PPM1E: variants seen among roughly 807,000 people sequenced by gnomAD.
PPM1E encodes the protein protein phosphatase, Mg2+/Mn2+ dependent 1E, also known as protein phosphatase 1E.
A neutral mutation model predicts 65.9 loss-of-function variants in PPM1E; 20 were observed. The observed-to-expected ratio is 0.30, with a 90% CI of 0.21 to 0.44. PPM1E has a LOEUF of 0.44. PPM1E is among the 20% of genes least tolerant of loss of function. PPM1E has a pLI of 1.00. For synonymous variants in PPM1E, 352 were observed against 374.9 expected (o/e 0.94, Z 0.70); for missense variants, 713 against 953.1 (o/e 0.75, Z 3.32).
chr17:58,918,812 AAAAAAAAAAAAAAAAAAAG>A (rs1475607278), intron 1 of PPM1E, among the ~76,000 whole-genome samples: 1 of 151,016 alleles, frequency 6.6e-6, no homozygotes, highest in East Asian at 1.9e-4. Flanking sequence ...TCTCAAAAAA[AAAAAAAAAAAAAAAAAAAG>A]CTTCTAAAAA....
At position 58,981,989 on chromosome 17, in the gene PPM1E, T is replaced by C. The variant is rs538737137; in HGVS notation, c.*958T>C. Reference sequence around the variant, plus strand: ...AGCAAAGGCATGTACTACTATAAAATACAAAGTGATTTTAGAGAATGAAAA... The same window carrying C: ...AGCAAAGGCATGTACTACTATAAAACACAAAGTGATTTTAGAGAATGAAAA... On this transcript the variant is annotated 3_prime_UTR_variant, in exon 7 of 7. Coordinates refer to ENST00000308249, the MANE Select transcript of PPM1E (RefSeq NM_014906.5). The C allele has an allele frequency of 2.0e-5, 3 of 152,784 alleles. No individual in the cohort carries two copies. Among genetic ancestry groups the C allele is most frequent in the South Asian group, 2.1e-4 (1 of 4,824 alleles). 9.5% of individuals were successfully genotyped at this position (152,784 alleles called of 1,614,324 possible).
intron 1 of PPM1E, among the ~76,000 whole-genome samples, chr17:58,840,825 G>A (rs1567850317): frequency 6.6e-6 from 1 of 152,180 alleles, no homozygotes. Flanking sequence ...GTCATCAGTG[G>A]TAAAATAATT....
At chr17:58,807,304 T>C (rs1312709276) in intron 1 of PPM1E, among the ~76,000 whole-genome samples, 1 of 152,230 alleles carries the variant, frequency 6.6e-6, no homozygotes, top group East Asian at 1.9e-4. Context: ...GAACTATATC[T>C]TGTATATTAC....
intron 1 of PPM1E, among the ~76,000 whole-genome samples, chr17:58,915,527 G>T (rs1425282878): frequency 2.0e-5 from 3 of 152,080 alleles, no homozygotes; most frequent in Non-Finnish European, 4.4e-5. Context: ...CAGCCCAGTA[G>T]GTCTCAGCTT....
intron 1 of PPM1E, among the ~76,000 whole-genome samples, chr17:58,953,265 G>T (rs542755441): frequency 6.6e-5 from 10 of 152,240 alleles, no homozygotes; most frequent in East Asian, 5.8e-4. Flanking sequence ...ATGAAAAGAG[G>T]TTTATTTGGC....
chr17:58,945,734 A>G (rs776951948), intron 1 of PPM1E, among the ~76,000 whole-genome samples: 1 of 152,180 alleles, frequency 6.6e-6, no homozygotes, highest in African/African-American at 2.4e-5. Flanking sequence ...AAATTCAGGG[A>G]AACATTCACT....
Position 58,811,914 on chromosome 17 carries a change from C to T in PPM1E, c.464+55453C>T, listed in dbSNP as rs769051084. Among the ~76,000 whole-genome samples the T allele has an allele frequency of 1.2e-4, 18 of 152,236 alleles. No homozygotes were observed. The South Asian group carries it at 1.9e-3, about 16-fold the overall frequency. ...TCGATCTCTTGACCTCGTGATCCAT[C>T]CACCTTGGCCTCCCAAAGTGCTGGG... On this transcript the variant is annotated intron_variant, in intron 1 of 6. Transcript: ENST00000308249.
intron 3 of PPM1E, among the ~76,000 whole-genome samples, chr17:58,968,575 A>T (rs1367344047): frequency 6.6e-6 from 1 of 152,116 alleles, no homozygotes; most frequent in African/African-American, 2.4e-5. Context: ...ACAGGCCTGG[A>T]CTCCTCTAAG....
intron 1 of PPM1E, among the ~76,000 whole-genome samples, chr17:58,901,907 C>A (rs962989594): frequency 6.6e-6 from 1 of 151,906 alleles, no homozygotes; most frequent in Non-Finnish European, 1.5e-5. Context: ...ACCCATGATG[C>A]GGAGGTTGCA....
intron 1 of PPM1E, among the ~76,000 whole-genome samples, chr17:58,802,180 T>C (rs1219573319): frequency 1.3e-5 from 2 of 152,218 alleles, no homozygotes; most frequent in African/African-American, 4.8e-5. Context: ...TATGTTTAAG[T>C]TTTTCATCCA....
At chr17:58,771,693 A>T (rs568866695) in intron 1 of PPM1E, among the ~76,000 whole-genome samples, 46 of 20,570 alleles carry the variant, frequency 2.2e-3, no homozygotes, top group African/African-American at 0.012. Flanking sequence ...AGTATTCTTT[A>T]AAAAAAAAAT....
chr17:58,770,181 C>T (rs1360132145), intron 1 of PPM1E, among the ~76,000 whole-genome samples: 1 of 152,072 alleles, frequency 6.6e-6, no homozygotes, highest in Non-Finnish European at 1.5e-5. Context: ...ATCGTTATTC[C>T]TTTGCATAAT....
intron 1 of PPM1E, among the ~76,000 whole-genome samples, chr17:58,942,166 G>A (rs2052081419): frequency 1.3e-5 from 2 of 152,050 alleles, no homozygotes; most frequent in African/African-American, 4.8e-5. Context: ...CGGGAAGATC[G>A]CTTGAGAGTA....
At chr17:58,896,375 A>G (rs2051416897) in intron 1 of PPM1E, among the ~76,000 whole-genome samples, 1 of 152,074 alleles carries the variant, frequency 6.6e-6, no homozygotes, top group Non-Finnish European at 1.5e-5. Context: ...ACCTGAGGTC[A>G]GGAGTTCAAG....
chr17:58,943,609 G>A (rs117665961), intron 1 of PPM1E, among the ~76,000 whole-genome samples: 2,548 of 151,998 alleles, frequency 0.017, 33 homozygotes, highest in Non-Finnish European at 0.028. Context: ...ATTTAACCTA[G>A]TGGCTCTCAA....
chr17:58,853,955 A>C (rs918333520), intron 1 of PPM1E, among the ~76,000 whole-genome samples: 4 of 152,080 alleles, frequency 2.6e-5, no homozygotes, highest in African/African-American at 9.7e-5. Flanking sequence ...GTCTTTTTCT[A>C]CAAAAACCGT....
chr17:58,922,799 C>T (rs1274473444), intron 1 of PPM1E, among the ~76,000 whole-genome samples: 2 of 151,492 alleles, frequency 1.3e-5, no homozygotes, highest in Non-Finnish European at 2.9e-5. Context: ...ATTATCCTGC[C>T]TCAGCCTCCT....
chr17:58,936,119 T>C (rs553057911), intron 1 of PPM1E, among the ~76,000 whole-genome samples: 3 of 152,112 alleles, frequency 2.0e-5, no homozygotes, highest in Admixed American at 6.5e-5. Flanking sequence ...GAATCGGTGG[T>C]GTGTGGGCAT....
intron 1 of PPM1E, among the ~76,000 whole-genome samples, chr17:58,882,951 C>CTTTTTTT (rs549698099): frequency 1.0e-4 from 10 of 98,862 alleles, no homozygotes; most frequent in Non-Finnish European, 1.4e-4. Context: ...TTATTACTTT[C>CTTTTTTT]TTTTTTTTTT....
Sources: gnomAD v4.1 joint callset for allele counts (sites outside exome capture counted in the v4.1 genomes callset) on GRCh38, gnomAD v4.1.1 for gene constraint, MANE v1.5 for transcripts, NCBI Gene and HGNC (gene_info 2026-07-23, HGNC 2026-07-21) for gene names.